Variants in DNAJC11 observed in about 807,000 individuals in gnomAD.
The protein encoded by DNAJC11 is DnaJ heat shock protein family (Hsp40) member C11.
In DNAJC11, 15 loss-of-function variants were observed where a neutral mutation model predicts 78.6. The ratio of observed to expected loss-of-function variants is 0.19; its 90% confidence interval spans 0.13 to 0.29. The LOEUF (loss-of-function observed/expected upper bound fraction) is 0.29. DNAJC11 is among the 10% of genes least tolerant of loss of function. The pLI, the probability that DNAJC11 is intolerant of heterozygous loss-of-function variation, is 1.00. For missense variants in DNAJC11, 547 were observed against 709.6 expected (o/e 0.77, Z 2.60); for synonymous variants, 292 against 272.1 (o/e 1.07, Z -0.72).
At position 6,669,797 on chromosome 1, in the gene DNAJC11, G is replaced by A. The variant is rs373291339; in HGVS notation, c.277-1987C>T. On this transcript the variant is annotated intron_variant, in intron 3 of 15. Coordinates refer to ENST00000377577, the MANE Select transcript of DNAJC11 (RefSeq NM_018198.4). ...TTACTCTTTTTCTATCACGACCAAAGTTATCAGATGGATGGGGGAGGGGGC... is the reference window on the plus strand; with the variant it reads ...TTACTCTTTTTCTATCACGACCAAAATTATCAGATGGATGGGGGAGGGGGC... Among the ~76,000 whole-genome samples the A allele has an allele frequency of 8.1e-4, 124 of 152,182 alleles. 1 individual carries two copies. Among genetic ancestry groups the A allele is most frequent in the African/African-American group, 2.8e-3 (115 of 41,522 alleles).
chr1:6,678,655 T>C (rs1474009170), intron 2 of DNAJC11, among the ~76,000 whole-genome samples, 188 bp from the exon 3 acceptor site: 1 of 152,146 alleles, frequency 6.6e-6, no homozygotes, highest in Non-Finnish European at 1.5e-5. Flanking sequence ...CTAGGATTTG[T>C]TTATTGACTT....
chr1:6,689,463 G>T (rs746002605), intron 1 of DNAJC11, among the ~76,000 whole-genome samples: 1 of 152,180 alleles, frequency 6.6e-6, no homozygotes, highest in Non-Finnish European at 1.5e-5. Context: ...CCTAGGTGGC[G>T]TGATGTCCAG....
At position 6,634,923 on chromosome 1, in the gene DNAJC11, G is replaced by A; in HGVS notation, c.*752C>T. The A allele has an allele frequency of 8.7e-7, 1 of 1,150,924 alleles. No homozygotes were observed. Among genetic ancestry groups the A allele is most frequent in the Non-Finnish European group, 1.1e-6 (1 of 906,672 alleles). The allele number at this position is 1,150,924 out of a possible 1,614,324, so 71.3% of individuals were successfully genotyped here. A position where few individuals can be genotyped will look rare whatever the true frequency, so the allele number is the denominator to read the frequency against. Reference sequence around the variant, plus strand: ...TCTGGAGGTGGGTGGTGCAGGCGGTGGAGGGACACAGGCCAGCTCAAGCCC... The same window carrying A: ...TCTGGAGGTGGGTGGTGCAGGCGGTAGAGGGACACAGGCCAGCTCAAGCCC... On this transcript the variant is annotated 3_prime_UTR_variant, in exon 16 of 16. Transcript: ENST00000377577.
chr1:6,666,385 CTTTTTTTTTTT>C (rs767579276), intron 4 of DNAJC11, among the ~76,000 whole-genome samples: 1 of 120,620 alleles, frequency 8.3e-6, no homozygotes, highest in African/African-American at 3.1e-5. Flanking sequence ...TCTTTCTTTT[CTTTTTTTTTTT>C]TTTTTTTTGA....
At position 6,694,187 on chromosome 1, in the gene DNAJC11, CG is replaced by C. The variant is rs761101666; in HGVS notation, c.72+7541del. Among the ~76,000 whole-genome samples the C allele has an allele frequency of 1.6e-3, 239 of 152,120 alleles. 1 individual carries two copies. The highest frequency in any genetic ancestry group is 3.0e-3 in the Non-Finnish European group (205 of 67,978). ...TTATTTTCTCCTCTCCCCCTTTCCC[CG>C]GTACCCTGCTTCCTACTTAGCCCTT... On this transcript the variant is annotated intron_variant, in intron 1 of 15. Coordinates refer to ENST00000377577, the MANE Select transcript of DNAJC11 (RefSeq NM_018198.4).
At chr1:6,701,253 C>G (rs575292146) in intron 1 of DNAJC11, among the ~76,000 whole-genome samples, 1 of 152,174 alleles carries the variant, frequency 6.6e-6, no homozygotes, top group East Asian at 1.9e-4. Context: ...ACGAAAGACT[C>G]GGGAACCGGA....
intron 4 of DNAJC11, among the ~76,000 whole-genome samples, chr1:6,666,529 C>T (rs1642297682): frequency 6.6e-6 from 1 of 151,306 alleles, no homozygotes; most frequent in Admixed American, 6.6e-5. Context: ...TGAAATTACT[C>T]GGGAGGCTGG....
intron 4 of DNAJC11, among the ~76,000 whole-genome samples, chr1:6,662,460 T>C (rs1390615645): frequency 2.0e-5 from 3 of 152,086 alleles, no homozygotes; most frequent in Non-Finnish European, 2.9e-5. Context: ...TCCCAAAGTG[T>C]TGGTGAGAGG....
chr1:6,636,689 C>T (rs1489470117), intron 14 of DNAJC11, among the ~76,000 whole-genome samples: 2 of 152,110 alleles, frequency 1.3e-5, no homozygotes, highest in Non-Finnish European at 2.9e-5. Flanking sequence ...TAAATCCTTA[C>T]TGAGTGGTGA....
intron 1 of DNAJC11, among the ~76,000 whole-genome samples, chr1:6,685,641 A>G (rs1642644607): frequency 6.6e-6 from 1 of 152,138 alleles, no homozygotes; most frequent in African/African-American, 2.4e-5. Flanking sequence ...TCTATCCTTC[A>G]TTTACATAAA....
At chr1:6,675,436 GAGACACAGTCTCACTGTCACTC>G (rs941928419) in intron 3 of DNAJC11, among the ~76,000 whole-genome samples, 130 of 151,318 alleles carry the variant, frequency 8.6e-4, no homozygotes, top group African/African-American at 3.0e-3. Flanking sequence ...TTTATTTTTT[GAGACACAGTCTCACTGTCACTC>G]AGGCTGGAGT....
At position 6,667,626 on chromosome 1, in the gene DNAJC11, C is replaced by T. The variant is rs994539380; in HGVS notation, c.378+83G>A. On this transcript the variant is annotated intron_variant, in intron 4 of 15. Coordinates refer to ENST00000377577, the MANE Select transcript of DNAJC11 (RefSeq NM_018198.4). ...GTATGTTTTTACTTTAACAATCCAC[C>T]AGCACCTCATTATTTCAGACCTGGC... 4.4e-6 allele frequency: 5 copies of T among 1,126,474 alleles called. No homozygotes were observed. The African/African-American group carries it at 4.6e-5, about 10-fold the overall frequency. The allele number at this position is 1,126,474 out of a possible 1,614,324, so 69.8% of individuals were successfully genotyped here.
In DNAJC11 at chr1:6,645,219, C is replaced by T. The variant is rs1423086786; in HGVS notation, c.895-93G>A. The T allele has an allele frequency of 2.0e-6, 2 of 990,736 alleles. No homozygotes were observed. The highest frequency in any genetic ancestry group is 1.7e-5 in the Admixed American group (1 of 57,500). 61.4% of individuals were successfully genotyped at this position (990,736 alleles called of 1,614,324 possible). On this transcript the variant is annotated intron_variant, in intron 8 of 15. Coordinates refer to ENST00000377577, the MANE Select transcript of DNAJC11 (RefSeq NM_018198.4). The surrounding 1 kb of genome is among the most constrained non-coding windows in gnomAD (Gnocchi z 4.1). ...CCCTCCCACTAGCTCTGGGCATCTG[C>T]TGCACACAGGCCTTTAAGGCAGGGG...
rs1200541119 is a variant in DNAJC11 at position 6,653,340 on chromosome 1, G to A, written c.508-389C>T. Among the ~76,000 whole-genome samples the A allele has an allele frequency of 6.6e-6, 1 of 152,146 alleles. No homozygotes were observed. The highest frequency in any genetic ancestry group is 1.9e-4 in the East Asian group (1 of 5,190). On this transcript the variant is annotated intron_variant, in intron 5 of 15. Coordinates refer to ENST00000377577, the MANE Select transcript of DNAJC11 (RefSeq NM_018198.4). The surrounding 1 kb of genome is among the most constrained non-coding windows in gnomAD (Gnocchi z 4.5). The stretch of plus-strand genomic sequence containing the variant: ...TATTCTGTATCAACTGACTCAGGGA[G>A]CTCCAAGAGGGGGCAAATTTCCCCA...
At chr1:6,687,841 G>A (rs1225639935) in intron 1 of DNAJC11, among the ~76,000 whole-genome samples, 1 of 152,184 alleles carries the variant, frequency 6.6e-6, no homozygotes, top group Non-Finnish European at 1.5e-5. Context: ...CAAGCACTGT[G>A]TAGACTGGAG....
chr1:6,687,559 G>A (rs528025649), intron 1 of DNAJC11, among the ~76,000 whole-genome samples: 9 of 151,938 alleles, frequency 5.9e-5, no homozygotes, highest in East Asian at 1.9e-4. Flanking sequence ...GGGTTTCACC[G>A]TGTTAGCCAG....
At chr1:6,651,226 C>G (rs757281244) in intron 7 of DNAJC11, 1 of 610,990 alleles carries the variant, frequency 1.6e-6, no homozygotes, top group East Asian at 3.8e-5. Flanking sequence ...TTTCGGTCCA[C>G]TGACCAACTC....
At chr1:6,648,312 C>T (rs1274430986) in intron 7 of DNAJC11, among the ~76,000 whole-genome samples, 1 of 152,138 alleles carries the variant, frequency 6.6e-6, no homozygotes, top group Non-Finnish European at 1.5e-5. Flanking sequence ...CCCACCACCA[C>T]GCCTGGCTAA....
intron 10 of DNAJC11, among the ~76,000 whole-genome samples, chr1:6,640,778 C>T (rs1328813130): frequency 2.0e-5 from 3 of 152,042 alleles, no homozygotes; most frequent in Non-Finnish European, 4.4e-5. Flanking sequence ...GATTGTACCA[C>T]AGCACTCCAG....
Sources: allele counts gnomAD v4.1 joint callset (sites outside exome capture counted in the v4.1 genomes callset), GRCh38; gene constraint gnomAD v4.1.1; non-coding constraint Gnocchi (gnomAD v3.1); transcripts MANE v1.5; gene names NCBI Gene and HGNC (gene_info 2026-07-23, HGNC 2026-07-21).